Variants in NAV3 observed in about 807,000 individuals in gnomAD.
The protein encoded by NAV3 is neuron navigator 3.
A neutral mutation model predicts 244.7 loss-of-function variants in NAV3; 87 were observed. The ratio of observed to expected loss-of-function variants is 0.36; its 90% CI spans 0.30 to 0.42. The LOEUF (loss-of-function observed/expected upper bound fraction) is 0.42, where lower values mean the gene tolerates loss of function less well. Ranked by LOEUF, NAV3 falls within the 20% of genes least tolerant of loss-of-function variation. NAV3 has a pLI of 1.00. For synonymous variants in NAV3, 1,126 were observed against 1,042.2 expected (o/e 1.08, Z -1.55); for missense variants, 2,663 against 2,893.3 (o/e 0.92, Z 1.83).
chr12:77,902,616 C>A (rs1885441654), intron 1 of NAV3, among the ~76,000 whole-genome samples: 1 of 152,044 alleles, frequency 6.6e-6, no homozygotes. Context: ...CACTCCTATT[C>A]AACATAGTGT....
At chr12:77,821,732 CTGT>C (rs1488576970) in intron 2 of NAV3, among the ~76,000 whole-genome samples, 1 of 152,150 alleles carries the variant, frequency 6.6e-6, no homozygotes, top group African/African-American at 2.4e-5. Context: ...TTATAAAACA[CTGT>C]TATTATACAT....
In NAV3 at chr12:78,118,097, CAGA is replaced by C. The variant is rs752259674; in HGVS notation, c.2847_2849del (p.Glu949del). 3.5e-5 allele frequency: 56 copies of C among 1,613,848 alleles called. No homozygotes were observed. Among genetic ancestry groups the C allele is most frequent in the South Asian group, 5.5e-5 (5 of 91,050 alleles). On this transcript the variant is annotated inframe_deletion, in exon 14 of 40. Coordinates refer to ENST00000397909, the MANE Select transcript of NAV3 (RefSeq NM_001024383.2). ...GATAGTCCTGAGGAACTGAAAAAACCAGAAGAAGATTTTGACAGCCATGGGGAT... is the reference window on the plus strand; with the variant it reads ...GATAGTCCTGAGGAACTGAAAAAACCAGAAGATTTTGACAGCCATGGGGAT...
At chr12:78,200,411 A>G in intron 37 of NAV3, 62 bp from the exon 38 acceptor site, 1 of 969,036 alleles carries the variant, frequency 1.0e-6, no homozygotes, top group Non-Finnish European at 1.5e-6. Flanking sequence ...AATGGTGTCT[A>G]GATATGTGTT....
intron 1 of NAV3, among the ~76,000 whole-genome samples, chr12:77,930,528 T>A (rs1888682151): frequency 6.6e-6 from 1 of 152,152 alleles, no homozygotes; most frequent in Non-Finnish European, 1.5e-5. Context: ...TGCATCAGAT[T>A]TATTATTTCC....
At chr12:78,112,317 T>C (rs552748502) in intron 12 of NAV3, among the ~76,000 whole-genome samples, 18 of 152,220 alleles carry the variant, frequency 1.2e-4, no homozygotes, top group African/African-American at 4.3e-4. Flanking sequence ...CGTAAGAGAG[T>C]CTGGGAATGT....
At chr12:77,583,683 T>C (rs1341248071) in intron 2 of NAV3, among the ~76,000 whole-genome samples, 1 of 152,164 alleles carries the variant, frequency 6.6e-6, no homozygotes, top group Non-Finnish European at 1.5e-5. Flanking sequence ...TATATGATAC[T>C]AAGAGTATAT....
intron 23 of NAV3, among the ~76,000 whole-genome samples, chr12:78,160,408 T>TGCGTGCGC (rs1565740462): frequency 6.8e-6 from 1 of 147,382 alleles, no homozygotes; most frequent in Non-Finnish European, 1.5e-5. Context: ...TGCGTGCGTG[T>TGCGTGCGC]GTGTGTGTGT....
intron 1 of NAV3, among the ~76,000 whole-genome samples, chr12:77,859,758 C>CAAAAA (rs61516625): frequency 0.19 from 13,111 of 68,662 alleles, 2,173 homozygotes; most frequent in Middle Eastern, 0.29. Flanking sequence ...CTTTCAAATG[C>CAAAAA]AAAAAAAAAA....
intron 2 of NAV3, among the ~76,000 whole-genome samples, chr12:77,690,246 A>G (rs1874942276): frequency 6.6e-6 from 1 of 151,866 alleles, no homozygotes; most frequent in Non-Finnish European, 1.5e-5. Flanking sequence ...AAAATACTGA[A>G]GAAACGAACT....
intron 2 of NAV3, among the ~76,000 whole-genome samples, chr12:77,784,848 T>C (rs1870830578): frequency 6.6e-6 from 1 of 152,144 alleles, no homozygotes. Context: ...GATATAGGTA[T>C]AGGTAAGAGT....
intron 2 of NAV3, among the ~76,000 whole-genome samples, chr12:77,595,296 A>G (rs1007587436): frequency 4.6e-5 from 7 of 152,178 alleles, no homozygotes; most frequent in African/African-American, 1.7e-4. Context: ...CCAAACAGAG[A>G]AAGACAAATA....
chr12:77,577,284 G>A (rs1345847937), intron 2 of NAV3, among the ~76,000 whole-genome samples: 3 of 152,146 alleles, frequency 2.0e-5, no homozygotes, highest in Non-Finnish European at 2.9e-5. Context: ...ATTAGATAAA[G>A]TGACTCTTTT....
At chr12:78,090,962 G>C (rs796945752) in intron 12 of NAV3, among the ~76,000 whole-genome samples, 8,416 of 114,694 alleles carry the variant, frequency 0.073, 248 homozygotes, top group Non-Finnish European at 0.095. Flanking sequence ...TTCTGTGTGT[G>C]TGTGTGTGTG....
At chr12:77,897,253 T>A (rs1351097354) in intron 1 of NAV3, among the ~76,000 whole-genome samples, 1 of 152,208 alleles carries the variant, frequency 6.6e-6, no homozygotes, top group Non-Finnish European at 1.5e-5. Flanking sequence ...TCGTGAATAC[T>A]TGGTCCGTTT....
At chr12:77,882,460 C>T (rs1029656679) in intron 1 of NAV3, among the ~76,000 whole-genome samples, 3 of 152,076 alleles carry the variant, frequency 2.0e-5, no homozygotes, top group Admixed American at 6.6e-5. Flanking sequence ...AAATGTAAGG[C>T]CTTAAACTAT....
chr12:78,188,437 C>T, intron 32 of NAV3, 94 bp downstream of exon 32: 1 of 1,220,636 alleles, frequency 8.2e-7, no homozygotes, highest in South Asian at 1.4e-5. Context: ...ATCTTCTTTT[C>T]CTCTCCTCAA....
intron 2 of NAV3, among the ~76,000 whole-genome samples, chr12:77,684,711 T>A (rs1235703340): frequency 6.6e-6 from 1 of 151,372 alleles, no homozygotes; most frequent in Admixed American, 6.6e-5. Flanking sequence ...TTCTGATGAT[T>A]CCTTTTTTTT....
intron 22 of NAV3, among the ~76,000 whole-genome samples, chr12:78,154,439 G>T (rs1957220100): frequency 6.7e-6 from 1 of 148,730 alleles, no homozygotes; most frequent in Admixed American, 6.9e-5. Flanking sequence ...TCTATATGAA[G>T]AAATAAAATG....
rs149233236 is a variant in NAV3, at chr12:77,612,117, C to G, written c.72+39851C>G. On this transcript the variant is annotated intron_variant, in intron 2 of 8. Coordinates refer to the NAV3 transcript ENST00000550042. ...AGACTAGACTGCATGAGTTCATAAT[C>G]CTAGAGTAGAAAGTGTGAACAGACT... Among the ~76,000 whole-genome samples, 162 of 152,032 alleles carry G rather than the reference C, an allele frequency of 1.1e-3. 1 individual carries two copies. Among genetic ancestry groups the G allele is most frequent in the African/African-American group, 3.3e-3 (139 of 41,502 alleles).
Sources: allele counts gnomAD v4.1 joint callset (sites outside exome capture counted in the v4.1 genomes callset), GRCh38; gene constraint gnomAD v4.1.1; transcripts MANE v1.5; gene names NCBI Gene and HGNC (gene_info 2026-07-23, HGNC 2026-07-21).